RGS7: variants seen among roughly 807,000 people sequenced by gnomAD.
The protein encoded by RGS7 is regulator of G-protein signaling 7.
RGS7 carries 27 observed loss-of-function variants against 81.1 expected under a neutral mutation model. The ratio of observed to expected loss-of-function variants is 0.33; its 90% CI spans 0.25 to 0.46. The LOEUF (loss-of-function observed/expected upper bound fraction) is 0.46. RGS7 is among the 20% of genes least tolerant of loss of function. The pLI is 1.00. For synonymous variants in RGS7, 208 were observed against 207.7 expected (o/e 1.00, Z -0.01); for missense variants, 396 against 607.4 (o/e 0.65, Z 3.66).
chr1:241,106,504 C>T (rs10926412), intron 2 of RGS7, among the ~76,000 whole-genome samples: 68,409 of 151,746 alleles, frequency 0.45, 19,653 homozygotes, highest in African/African-American at 0.82. Flanking sequence ...ACCTGAGGTC[C>T]GGAGTTTGAG....
chr1:241,240,355 T>A (rs1023037725), intron 2 of RGS7, among the ~76,000 whole-genome samples: 2 of 152,176 alleles, frequency 1.3e-5, no homozygotes, highest in African/African-American at 4.8e-5. Context: ...ACGACTCAGT[T>A]AGACTCACGT....
intron 3 of RGS7, among the ~76,000 whole-genome samples, chr1:241,039,527 T>C (rs1053922869): frequency 1.3e-5 from 2 of 152,048 alleles, no homozygotes; most frequent in Admixed American, 6.6e-5. Context: ...AGAAGGTAGA[T>C]TTAGAAGAGA....
At chr1:241,010,860 A>C (rs1171823346) in intron 3 of RGS7, among the ~76,000 whole-genome samples, 13 of 152,124 alleles carry the variant, frequency 8.5e-5, no homozygotes, top group Admixed American at 8.5e-4. Context: ...CAAAGTCTTG[A>C]TCCTCTCATC....
chr1:240,816,553 G>A, intron 10 of RGS7, 138 bp from the exon 11 acceptor site: 1 of 635,944 alleles, frequency 1.6e-6, no homozygotes. Flanking sequence ...AAATTCAAAA[G>A]GCACTGCTAA....
intron 3 of RGS7, among the ~76,000 whole-genome samples, chr1:241,013,053 C>CTTTTTTTTTTTTTTTTTTTTTTTTTTTTT: frequency 1.2e-5 from 1 of 80,312 alleles, no homozygotes; most frequent in Non-Finnish European, 2.4e-5. Context: ...CTGACCCCTC[C>CTTTTTTTTTTTTTTTTTTTTTTTTTTTTT]TTTTTTTTTT....
At chr1:241,275,202 A>C (rs578076749) in intron 2 of RGS7, among the ~76,000 whole-genome samples, 20 of 152,266 alleles carry the variant, frequency 1.3e-4, no homozygotes, top group Middle Eastern at 3.4e-3. Context: ...TTAAGAAAAC[A>C]CTTCAGATGT....
Position 241,280,032 on chromosome 1 carries a change from G to A in RGS7, c.78+75667C>T, listed in dbSNP as rs80236335. ...TGAGTTGTGCACCAAGAATTTACACGGTGAAGTTCTGATTCCCAGTTTCTC... is the reference window on the plus strand; with the variant it reads ...TGAGTTGTGCACCAAGAATTTACACAGTGAAGTTCTGATTCCCAGTTTCTC... On this transcript the variant is annotated intron_variant, in intron 2 of 18. Coordinates refer to ENST00000440928, the MANE Select transcript of RGS7 (RefSeq NM_001364886.1). Among the ~76,000 whole-genome samples the A allele has an allele frequency of 4.8e-3, 733 of 152,210 alleles. 4 individuals carry two copies. Among genetic ancestry groups the A allele is most frequent in the African/African-American group, 0.016 (679 of 41,520 alleles).
intron 2 of RGS7, among the ~76,000 whole-genome samples, chr1:241,353,519 C>T (rs2083375730): frequency 6.6e-6 from 1 of 152,084 alleles, no homozygotes; most frequent in South Asian, 2.1e-4. Context: ...AAAACATATG[C>T]TCAGAGAATA....
Position 240,806,280 on chromosome 1 carries a change from C to T in RGS7, c.1129G>A (p.Val377Ile), listed in dbSNP as rs1228532914. 1 of 1,613,988 alleles carries T rather than the reference C, an allele frequency of 6.2e-7. No individual in the cohort carries two copies. Among genetic ancestry groups the T allele is most frequent in the South Asian group, 1.1e-5 (1 of 91,080 alleles). Residue 377 changes from valine (V) to isoleucine (I), a missense_variant, in exon 15 of 19, where the codon GTA (valine) becomes ATA (isoleucine). By Grantham distance (29) the Val-to-Ile change is conservative (BLOSUM62 3). Coordinates refer to ENST00000440928, the MANE Select transcript of RGS7 (RefSeq NM_001364886.1). ...CATATTTCCTGAACTCTTGAGGGTACTTCTTTAATAGGCCTCTTTTTCAGG... is the reference window on the plus strand; with the variant it reads ...CATATTTCCTGAACTCTTGAGGGTATTTCTTTAATAGGCCTCTTTTTCAGG... ...EDLKKRPIKEVPSRVQEIWQE... is the reference protein window; with the variant it reads ...EDLKKRPIKEIPSRVQEIWQE...
chr1:240,828,891 GA>G (rs1693324362), intron 9 of RGS7, among the ~76,000 whole-genome samples: 1 of 152,174 alleles, frequency 6.6e-6, no homozygotes, highest in African/African-American at 2.4e-5. Flanking sequence ...GATGTCCTTA[GA>G]AGTGACTCCA....
intron 2 of RGS7, among the ~76,000 whole-genome samples, chr1:241,112,802 A>T (rs1168647553): frequency 6.6e-6 from 1 of 152,228 alleles, no homozygotes; most frequent in Non-Finnish European, 1.5e-5. Context: ...TCAAGGCACT[A>T]CAACGTTAAG....
At chr1:241,002,799 G>C (rs762117643) in intron 3 of RGS7, among the ~76,000 whole-genome samples, 1 of 152,144 alleles carries the variant, frequency 6.6e-6, no homozygotes, top group African/African-American at 2.4e-5. Context: ...GGATGTTCAC[G>C]TAAAAGTCAA....
At chr1:240,927,881 C>T (rs550266006) in intron 6 of RGS7, among the ~76,000 whole-genome samples, 3 of 152,054 alleles carry the variant, frequency 2.0e-5, no homozygotes, top group Admixed American at 1.3e-4. Context: ...AGGAGATGAT[C>T]CCCTCAGAAA....
intron 3 of RGS7, among the ~76,000 whole-genome samples, chr1:241,006,345 A>G (rs1465440009): frequency 6.6e-6 from 1 of 152,234 alleles, no homozygotes; most frequent in Non-Finnish European, 1.5e-5. Context: ...TTTCCTGTCC[A>G]AGGCAAATCC....
intron 18 of RGS7, among the ~76,000 whole-genome samples, chr1:240,783,576 T>C (rs1014965200): frequency 5.3e-5 from 8 of 151,698 alleles, no homozygotes; most frequent in African/African-American, 1.7e-4. Context: ...TGAGCCGAGA[T>C]TGCGCCACTG....
At chr1:241,075,616 C>T (rs777728401) in intron 3 of RGS7, among the ~76,000 whole-genome samples, 2 of 152,058 alleles carry the variant, frequency 1.3e-5, no homozygotes, top group Non-Finnish European at 2.9e-5. Context: ...AATGCAAAAA[C>T]GTCTCATCAT....
chr1:240,928,384 A>G (rs2148333949), intron 6 of RGS7, among the ~76,000 whole-genome samples: 1 of 152,302 alleles, frequency 6.6e-6, no homozygotes, highest in South Asian at 2.1e-4. Context: ...TGTGAAACTT[A>G]AACATGCAGC....
chr1:241,259,096 TC>T (rs2077181314), intron 2 of RGS7, among the ~76,000 whole-genome samples: 1 of 151,980 alleles, frequency 6.6e-6, no homozygotes, highest in Admixed American at 6.6e-5. Context: ...TCCCCATACT[TC>T]CAGTTAATAG....
At chr1:241,259,667 A>AAAAAAAAAAATATATATATAT in intron 2 of RGS7, among the ~76,000 whole-genome samples, 2 of 49,146 alleles carry the variant, frequency 4.1e-5, no homozygotes, top group African/African-American at 1.6e-4. Context: ...AAAAAAAAAA[A>AAAAAAAAAAATATATATATAT]ATATATATAT....
Sources: gnomAD v4.1 joint callset for allele counts (sites outside exome capture counted in the v4.1 genomes callset) on GRCh38, gnomAD v4.1.1 for gene constraint, MANE v1.5 for transcripts, NCBI Gene and HGNC (gene_info 2026-07-23, HGNC 2026-07-21) for gene names.